The following SIRT7 variants were observed in gnomAD, a reference collection of about 807,000 sequenced individuals.
The protein encoded by SIRT7 is sirtuin 7.
In SIRT7, 32 loss-of-function variants were observed where a neutral mutation model predicts 42.8. That is an observed-to-expected ratio of 0.75 (90% CI 0.56 to 1.00). The LOEUF is 1.00. Among genes scored for constraint, SIRT7 ranks in the 50% least tolerant of loss-of-function variants. The probability of loss-of-function intolerance (pLI) is 0.00; values close to 1 mark genes in which losing one functional copy is unlikely to be tolerated. For synonymous variants in SIRT7, 297 were observed against 245.2 expected, an observed-to-expected ratio of 1.21 and a Z score of -1.97; for missense variants, 553 against 572.2, an observed-to-expected ratio of 0.97 and a Z score of 0.34.
Position 81,917,703 on chromosome 17 carries a change from T to C in SIRT7, c.248A>G (p.Glu83Gly). 2 of 1,600,084 alleles carry C rather than the reference T, an allele frequency of 1.2e-6. No individual in the cohort carries two copies. Among genetic ancestry groups the C allele is most frequent in the Non-Finnish European group, 1.7e-6 (2 of 1,174,610 alleles). ...RRQEEVCDDP[E>G]ELRGKVRELA... ...CTCCCGGACCTTCCCCCGCAGCTCC[T>C]CCGGGTCGTCGCACACCTGCCAAGA... Residue 83 changes from glutamate (E) to glycine (G), a missense_variant, in exon 3 of 10, where the codon GAG becomes GGG. Glu to Gly is a moderately conservative substitution (Grantham distance 98). Coordinates refer to ENST00000328666, the MANE Select transcript of SIRT7 (RefSeq NM_016538.3).
chr17:81,918,085 C>A lies in SIRT7; in HGVS notation c.47G>T (p.Arg16Leu). The stretch of plus-strand genomic sequence containing the variant: ...CTGCTCCTCCCGCAACCTCCGGACC[C>A]GCTCCGCCGCTTTGCGCTCGGAGCG... ...LSRSERKAAE[R>L]VRRLREEQQR... Residue 16 changes from arginine to leucine, a missense_variant, in exon 1 of 10, where the codon CGG becomes CTG. Arg to Leu is a moderately radical substitution (Grantham distance 102). Coordinates refer to ENST00000328666, the MANE Select transcript of SIRT7 (RefSeq NM_016538.3). 1.3e-6 allele frequency: 2 copies of A among 1,551,270 alleles called. No individual in the cohort carries two copies. The highest frequency in any genetic ancestry group is 1.7e-6 in the Non-Finnish European group (2 of 1,159,858).
At position 81,918,093 on chromosome 17, in the gene SIRT7, C is replaced by T. The variant is rs1475483196; in HGVS notation, c.39G>A (p.Ala13=). 11 of 1,551,748 alleles carry T rather than the reference C, an allele frequency of 7.1e-6. No individual in the cohort carries two copies. The highest frequency in any genetic ancestry group is 9.5e-6 in the Non-Finnish European group (11 of 1,160,104). Residue 13 remains alanine, a synonymous_variant, in exon 1 of 10, where the codon GCG becomes GCA. Coordinates refer to ENST00000328666, the MANE Select transcript of SIRT7 (RefSeq NM_016538.3). The part of the protein sequence containing the change: ...AGGLSRSERK[A]AERVRRLREE... ...CCCGCAACCTCCGGACCCGCTCCGC[C>T]GCTTTGCGCTCGGAGCGGCTCAGAC...
At position 81,912,447 on chromosome 17, in the gene SIRT7, G is replaced by C. The variant is rs1355285235; in HGVS notation, c.1172C>G (p.Thr391Arg). Residue 391 changes from threonine (T) to arginine (R), a missense_variant, in exon 10 of 10, where the codon ACA (threonine) becomes AGA (arginine). Coordinates refer to ENST00000328666, the MANE Select transcript of SIRT7 (RefSeq NM_016538.3). ...CACTTTCTTCCTTTTTGTGCGTTTTGTGCAGCCCCTGCCAAACCAGCCCCC... is the reference window on the plus strand; with the variant it reads ...CACTTTCTTCCTTTTTGTGCGTTTTCTGCAGCCCCTGCCAAACCAGCCCCC... ...ILGGWFGRGCTKRTKRKKVT is the reference protein window; with the variant it reads ...ILGGWFGRGCRKRTKRKKVT 3 of 1,614,010 alleles carry C rather than the reference G, an allele frequency of 1.9e-6. No individual in the cohort carries two copies. The highest frequency in any genetic ancestry group is 2.5e-6 in the Non-Finnish European group (3 of 1,180,018).
In SIRT7 at chr17:81,913,825, ACGT is replaced by A; in HGVS notation, c.950_952del (p.Asp317del). ...CAGCTCGGCCATGAGGAGCCGCATGACGTCATCACACTTCCCATGTAGCTTCAG... is the reference window on the plus strand; with the variant it reads ...CAGCTCGGCCATGAGGAGCCGCATGACATCACACTTCCCATGTAGCTTCAG... On this transcript the variant is annotated inframe_deletion, in exon 9 of 10. Transcript: ENST00000328666. This position sits in a 1 kb window ranked among gnomAD's most constrained non-coding sequence, Gnocchi z 5.0. 1 of 1,550,144 alleles carries A rather than the reference ACGT, an allele frequency of 6.5e-7. No homozygotes were observed. The highest frequency in any genetic ancestry group is 1.2e-5 in the South Asian group (1 of 84,070).
intron 9 of SIRT7, 191 bp from the exon 10 acceptor site, chr17:81,912,805 T>C: frequency 1.5e-6 from 1 of 649,786 alleles, no homozygotes; most frequent in Non-Finnish European, 2.7e-6. Flanking sequence ...AGAGGTCACC[T>C]CTTAGGTGGT....
chr17:81,912,348 G>A lies in SIRT7; in HGVS notation c.*68C>T, dbSNP rs1042673606. 1.5e-5 allele frequency: 24 copies of A among 1,591,496 alleles called. No homozygotes were observed. The highest frequency in any genetic ancestry group is 1.9e-5 in the Non-Finnish European group (22 of 1,160,068). The stretch of plus-strand genomic sequence containing the variant: ...AGTTCGTTCTCCCTAGACCCGTGGG[G>A]GCAACCCAGCCTTCACCGTGACACT... On this transcript the variant is annotated 3_prime_UTR_variant, in exon 10 of 10. Transcript: ENST00000328666.
intron 5 of SIRT7, chr17:81,914,993 G>C (rs892734428): frequency 1.9e-6 from 1 of 520,866 alleles, no homozygotes; most frequent in African/African-American, 1.9e-5. Flanking sequence ...AGTGGCTCGG[G>C]GTTTGGCAAG....
intron 5 of SIRT7, 21 bp from the exon 6 acceptor site, chr17:81,914,723 C>CA: frequency 1.2e-6 from 2 of 1,601,510 alleles, no homozygotes; most frequent in Non-Finnish European, 1.7e-6. Flanking sequence ...GAACGGGTGG[C>CA]AAGGGGAGGG....
At position 81,914,187 on chromosome 17, in the gene SIRT7, G is replaced by C. The variant is rs201302870; in HGVS notation, c.817-20C>G. ...TAGAACCTGTGGAAGCAGACAGACA[G>C]ACACCGCACACACACAAGGGACAAG... is the stretch of plus-strand genomic sequence containing the variant. On this transcript the variant is annotated intron_variant, in intron 7 of 9. Coordinates refer to ENST00000328666, the MANE Select transcript of SIRT7 (RefSeq NM_016538.3). 6.2e-7 allele frequency: 1 copy of C among 1,612,958 alleles called. No individual in the cohort carries two copies.
intron 3 of SIRT7, chr17:81,917,027 C>T (rs2040817776): frequency 1.3e-5 from 2 of 152,182 alleles, no homozygotes; most frequent in Admixed American, 6.6e-5. Context: ...CTCTAGCGAC[C>T]CAGCACAGCC....
In SIRT7 at chr17:81,917,812, G is replaced by T; in HGVS notation, c.231+18C>A. On this transcript the variant is annotated intron_variant, in intron 2 of 9. Transcript: ENST00000328666. ...CTCCCGAAACCGGGGGCGCCCGCGC[G>T]CCGCACGCGGAACTCGCCTCCTCCT... 1 of 1,408,424 alleles carries T rather than the reference G, an allele frequency of 7.1e-7. No homozygotes were observed. Among genetic ancestry groups the T allele is most frequent in the Non-Finnish European group, 9.2e-7 (1 of 1,087,880 alleles). The allele number at this position is 1,408,424 out of a possible 1,614,324, so 87.2% of individuals were successfully genotyped here.
At position 81,913,987 on chromosome 17, in the gene SIRT7, G is replaced by T; in HGVS notation, c.897+100C>A. The T allele has an allele frequency of 6.4e-7, 1 of 1,558,346 alleles. No individual in the cohort carries two copies. ...AGTCGGTGCTCCCTGAGCACCCACG[G>T]GGGCCCTATCAGACCGCCCTGGTGC... is the stretch of plus-strand genomic sequence containing the variant. On this transcript the variant is annotated intron_variant, in intron 8 of 9. Coordinates refer to ENST00000328666, the MANE Select transcript of SIRT7 (RefSeq NM_016538.3). This position sits in a 1 kb window ranked among gnomAD's most constrained non-coding sequence, Gnocchi z 5.0.
chr17:81,914,185 C>G lies in SIRT7; in HGVS notation c.817-18G>C. On this transcript the variant is annotated intron_variant, in intron 7 of 9. Transcript: ENST00000328666. ...TTTAGAACCTGTGGAAGCAGACAGA[C>G]AGACACCGCACACACACAAGGGACA... 6.2e-7 allele frequency: 1 copy of G among 1,613,574 alleles called. No homozygotes were observed. The highest frequency in any genetic ancestry group is 1.7e-5 in the Admixed American group (1 of 60,010).
At position 81,912,441 on chromosome 17, in the gene SIRT7, C is replaced by T. The variant is rs145465834; in HGVS notation, c.1178G>A (p.Arg393His). 9.6e-5 allele frequency: 155 copies of T among 1,614,038 alleles called. No individual in the cohort carries two copies. The African/African-American group carries it at 1.9e-3, about 19-fold the overall frequency. The change falls in exon 10 of 10, where the codon CGC (arginine) becomes CAC (histidine). Residue 393 changes from arginine to histidine, a missense_variant. Transcript: ENST00000328666. ...GGWFGRGCTK[R>H]TKRKKVT ...TTACGTCACTTTCTTCCTTTTTGTG[C>T]GTTTTGTGCAGCCCCTGCCAAACCA...
At position 81,913,994 on chromosome 17, in the gene SIRT7, T is replaced by C; in HGVS notation, c.897+93A>G. ...GCTCCCTGAGCACCCACGGGGGCCC[T>C]ATCAGACCGCCCTGGTGCATGGGTG... is the stretch of plus-strand genomic sequence containing the variant. On this transcript the variant is annotated intron_variant, in intron 8 of 9. Coordinates refer to ENST00000328666, the MANE Select transcript of SIRT7 (RefSeq NM_016538.3). This position sits in a 1 kb window ranked among gnomAD's most constrained non-coding sequence, Gnocchi z 5.0. 2 of 1,568,124 alleles carry C rather than the reference T, an allele frequency of 1.3e-6. No individual in the cohort carries two copies. The highest frequency in any genetic ancestry group is 1.7e-6 in the Non-Finnish European group (2 of 1,145,656).
At position 81,913,369 on chromosome 17, in the gene SIRT7, G is replaced by C. The variant is rs1242148320; in HGVS notation, c.1004+405C>G. ...CCAAGTCTAAATTATCACAAATTCT[G>C]TATTAAGGCACAGTTTGTTTAAGCT... On this transcript the variant is annotated intron_variant, in intron 9 of 9. Coordinates refer to ENST00000328666, the MANE Select transcript of SIRT7 (RefSeq NM_016538.3). This position sits in a 1 kb window ranked among gnomAD's most constrained non-coding sequence, Gnocchi z 5.0. 4 of 448,716 alleles carry C rather than the reference G, an allele frequency of 8.9e-6. No homozygotes were observed. The highest frequency in any genetic ancestry group is 2.0e-5 in the African/African-American group (1 of 49,388). The allele number at this position is 448,716 out of a possible 1,614,324, so 27.8% of individuals were successfully genotyped here. A position where few individuals can be genotyped will look rare whatever the true frequency, so the allele number is the denominator to read the frequency against.
At chr17:81,917,746 C>T in intron 2 of SIRT7, 27 bp from the exon 3 acceptor site, 1 of 1,506,964 alleles carries the variant, frequency 6.6e-7, no homozygotes, top group Non-Finnish European at 8.9e-7. Flanking sequence ...GTGGTCACCG[C>T]CCCGGGCCGC....
At position 81,912,227 on chromosome 17, in the gene SIRT7, TGGCCAGGCC is replaced by T; in HGVS notation, c.*180_*188del. On this transcript the variant is annotated 3_prime_UTR_variant, in exon 10 of 10. Transcript: ENST00000328666. ...AGGCCGGATGGGCAGGTGTCCTCGA[TGGCCAGGCC>T]GTATCAGGGTACAACCGCAGCAGTG... 1 of 682,274 alleles carries T rather than the reference TGGCCAGGCC, an allele frequency of 1.5e-6. No homozygotes were observed. The highest frequency in any genetic ancestry group is 2.5e-6 in the Non-Finnish European group (1 of 404,112). 42.3% of individuals were successfully genotyped at this position (682,274 alleles called of 1,614,324 possible). A position where few individuals can be genotyped will look rare whatever the true frequency, so the allele number is the denominator to read the frequency against.
chr17:81,912,691 G>A (rs1350039365), intron 9 of SIRT7, 77 bp from the exon 10 acceptor site: 1 of 1,471,350 alleles, frequency 6.8e-7, no homozygotes, highest in Non-Finnish European at 9.3e-7. Flanking sequence ...CGGGAAAGCT[G>A]TCTGCGGTCC....
Sources: allele counts gnomAD v4.1 joint callset, GRCh38; gene constraint gnomAD v4.1.1; non-coding constraint Gnocchi (gnomAD v3.1); transcripts MANE v1.5; gene names NCBI Gene and HGNC (gene_info 2026-07-23, HGNC 2026-07-21).